The following GRID2 variants were observed in gnomAD, a reference collection of about 807,000 sequenced individuals.
The protein encoded by GRID2 is glutamate ionotropic receptor delta type subunit 2.
GRID2 carries 33 observed loss-of-function variants against 114.8 expected under a neutral mutation model. The observed-to-expected ratio is 0.29, with a 90% confidence interval of 0.22 to 0.38. The LOEUF (loss-of-function observed/expected upper bound fraction) is 0.38, where lower values mean the gene tolerates loss of function less well. Ranked by LOEUF, GRID2 falls within the 10% of genes least tolerant of loss-of-function variation. The probability of loss-of-function intolerance (pLI) is 1.00; values close to 1 mark genes in which losing one functional copy is unlikely to be tolerated. For missense variants in GRID2, 1,184 were observed against 1,257.7 expected (o/e 0.94, Z 0.89); for synonymous variants, 505 against 449.9 (o/e 1.12, Z -1.55).
intron 13 of GRID2, among the ~76,000 whole-genome samples, chr4:93,600,480 T>C (rs1227467688): frequency 1.3e-5 from 2 of 152,002 alleles, no homozygotes; most frequent in Non-Finnish European, 2.9e-5. Flanking sequence ...ATTAACATCA[T>C]TAGCCACCAA....
chr4:93,524,815 G>GTA (rs1211931758), intron 13 of GRID2, among the ~76,000 whole-genome samples: 6 of 49,236 alleles, frequency 1.2e-4, no homozygotes, highest in South Asian at 1.5e-3. Flanking sequence ...ATATATATAT[G>GTA]TATGTATGTA....
chr4:92,984,492 A>G (rs965972586), intron 2 of GRID2, among the ~76,000 whole-genome samples: 3 of 152,242 alleles, frequency 2.0e-5, no homozygotes, highest in African/African-American at 7.2e-5. Context: ...GACACAGTAC[A>G]GTTGCTCCAT....
intron 1 of GRID2, among the ~76,000 whole-genome samples, chr4:92,343,984 C>T (rs1372757372): frequency 6.6e-6 from 1 of 152,146 alleles, no homozygotes; most frequent in Non-Finnish European, 1.5e-5. Flanking sequence ...GGTCTTCCTC[C>T]TTGTCTTCAC....
In GRID2 at chr4:93,455,705, G is replaced by A; in HGVS notation, c.1589G>A (p.Arg530His). Residue 530 changes from arginine (R) to histidine (H), a missense_variant, in exon 11 of 16, where the codon CGT becomes CAT. Arg to His is a conservative substitution (Grantham distance 29, BLOSUM62 0). Transcript: ENST00000282020. ...GISALTITPD[R>H]ENVVDFTTRY... ...TCTGCTTTAACCATCACTCCAGATC[G>A]TGAAAATGTGGTGGACTTTACGACA... 6.2e-7 allele frequency: 1 copy of A among 1,613,032 alleles called. No individual in the cohort carries two copies. The highest frequency in any genetic ancestry group is 8.5e-7 in the Non-Finnish European group (1 of 1,179,106).
At chr4:93,042,692 CATATATATATGCATAT>C (rs1045191738) in intron 2 of GRID2, among the ~76,000 whole-genome samples, 1 of 133,736 alleles carries the variant, frequency 7.5e-6, no homozygotes, top group African/African-American at 2.7e-5. Context: ...TATATATATG[CATATATATATGCATAT>C]ATATATAGAT....
chr4:93,306,296 C>A (rs897760565), intron 8 of GRID2: 3 of 152,164 alleles, frequency 2.0e-5, no homozygotes, highest in African/African-American at 7.2e-5. Context: ...AAAAAAACTT[C>A]TTCATTCATT....
At chr4:92,439,077 G>C (rs1407095937) in intron 1 of GRID2, among the ~76,000 whole-genome samples, 1 of 151,930 alleles carries the variant, frequency 6.6e-6, no homozygotes, top group Non-Finnish European at 1.5e-5. Flanking sequence ...ATAAGGGTGG[G>C]GCCGTTTTAC....
intron 13 of GRID2, among the ~76,000 whole-genome samples, chr4:93,528,742 C>A (rs950597379): frequency 3.3e-5 from 5 of 152,012 alleles, no homozygotes; most frequent in African/African-American, 1.2e-4. Flanking sequence ...GCAAAAGAAG[C>A]AAGTCAGAAT....
At chr4:93,402,921 A>G (rs1197746940) in intron 9 of GRID2, among the ~76,000 whole-genome samples, 3 of 152,148 alleles carry the variant, frequency 2.0e-5, no homozygotes, top group African/African-American at 7.2e-5. Context: ...AGTGTTTGCT[A>G]CTTAGAGACT....
intron 2 of GRID2, among the ~76,000 whole-genome samples, chr4:93,036,743 G>C (rs963143564): frequency 1.3e-5 from 2 of 152,072 alleles, no homozygotes; most frequent in Admixed American, 6.6e-5. Context: ...TACTATCAGG[G>C]AATGTGTATA....
chr4:93,220,238 T>TA (rs1744716682), intron 6 of GRID2, among the ~76,000 whole-genome samples: 1 of 151,134 alleles, frequency 6.6e-6, no homozygotes. Flanking sequence ...AAGCCTTTAT[T>TA]TATATATATA....
At chr4:93,042,247 ATC>A (rs1166899378) in intron 2 of GRID2, among the ~76,000 whole-genome samples, 2,729 of 121,328 alleles carry the variant, frequency 0.022, 25 homozygotes, top group African/African-American at 0.034. Context: ...TATATTTTAA[ATC>A]TCTCTCTCTC....
At chr4:93,309,847 C>G (rs1292486393) in intron 8 of GRID2, among the ~76,000 whole-genome samples, 1 of 151,910 alleles carries the variant, frequency 6.6e-6, no homozygotes, top group African/African-American at 2.4e-5. Context: ...GACCTATTCC[C>G]CTTATGAGGA....
intron 8 of GRID2, among the ~76,000 whole-genome samples, chr4:93,380,084 C>T (rs139018843): frequency 6.8e-4 from 104 of 152,044 alleles, no homozygotes; most frequent in Non-Finnish European, 1.3e-3. Flanking sequence ...TAAATGTGAT[C>T]AAATAGGGAA....
At chr4:93,800,703 G>T (rs1734911079) in intron 1 of GRID2, among the ~76,000 whole-genome samples, 1 of 152,208 alleles carries the variant, frequency 6.6e-6, no homozygotes, top group East Asian at 1.9e-4. Flanking sequence ...AAATTTAAGA[G>T]ACATTATAGT....
chr4:93,143,903 T>C (rs59397055), intron 4 of GRID2, among the ~76,000 whole-genome samples: 9,651 of 152,210 alleles, frequency 0.063, 872 homozygotes, highest in African/African-American at 0.2. Context: ...TCTATATAGA[T>C]TTTAAGAAGT....
intron 1 of GRID2, among the ~76,000 whole-genome samples, chr4:92,418,735 C>T (rs1731745400): frequency 6.6e-6 from 1 of 151,940 alleles, no homozygotes; most frequent in Non-Finnish European, 1.5e-5. Flanking sequence ...TCCACACCCC[C>T]CTAAAAAGGA....
At chr4:92,658,840 TTGTA>T (rs1732383150) in intron 2 of GRID2, among the ~76,000 whole-genome samples, 1 of 147,180 alleles carries the variant, frequency 6.8e-6, no homozygotes, top group Non-Finnish European at 1.5e-5. Flanking sequence ...ATCACATTCA[TTGTA>T]TGTGTATATG....
intron 1 of GRID2, among the ~76,000 whole-genome samples, chr4:93,784,292 G>C (rs1734548222): frequency 6.6e-6 from 1 of 151,858 alleles, no homozygotes; most frequent in Non-Finnish European, 1.5e-5. Flanking sequence ...TAAATTACTT[G>C]TCAGGTCATG....
Sources: allele counts gnomAD v4.1 joint callset (sites outside exome capture counted in the v4.1 genomes callset), GRCh38; gene constraint gnomAD v4.1.1; transcripts MANE v1.5; gene names NCBI Gene and HGNC (gene_info 2026-07-23, HGNC 2026-07-21).